RBFOX2: variants seen among roughly 807,000 people sequenced by gnomAD.
RBFOX2 encodes RNA binding protein fox-1 homolog 2.
A neutral mutation model predicts 49.1 loss-of-function variants in RBFOX2; 10 were observed. The observed-to-expected ratio is 0.20, with a 90% CI of 0.13 to 0.35. RBFOX2 has a LOEUF of 0.35. Among genes scored for constraint, RBFOX2 ranks in the 10% least tolerant of loss-of-function variants. The pLI, the probability that RBFOX2 is intolerant of heterozygous loss-of-function variation, is 1.00. For synonymous variants in RBFOX2, 183 were observed against 187.4 expected (o/e 0.98, Z 0.19); for missense variants, 323 against 486.9 (o/e 0.66, Z 3.17).
chr22:35,800,298 C>T (rs1056666520), intron 2 of RBFOX2, among the ~76,000 whole-genome samples: 1 of 152,190 alleles, frequency 6.6e-6, no homozygotes, highest in African/African-American at 2.4e-5. Flanking sequence ...TCTATTCACC[C>T]TGCATACGCT....
chr22:35,987,224 C>T (rs1464616125), intron 1 of RBFOX2, among the ~76,000 whole-genome samples: 1 of 152,106 alleles, frequency 6.6e-6, no homozygotes, highest in Non-Finnish European at 1.5e-5. Context: ...CTTCTGAATG[C>T]CACAATACTA....
intron 1 of RBFOX2, among the ~76,000 whole-genome samples, chr22:35,960,746 G>A (rs1037447870): frequency 2.0e-5 from 3 of 152,036 alleles, no homozygotes; most frequent in Admixed American, 1.3e-4. Flanking sequence ...GAGCCAATTC[G>A]AAGAAACCTA....
intron 1 of RBFOX2, among the ~76,000 whole-genome samples, chr22:36,005,677 A>G (rs546623921): frequency 1.3e-5 from 2 of 152,310 alleles, no homozygotes; most frequent in South Asian, 4.1e-4. Flanking sequence ...CATGTGTTCC[A>G]CTGAAAAAAT....
chr22:35,876,699 G>C (rs1037160738), intron 1 of RBFOX2, among the ~76,000 whole-genome samples: 5 of 125,952 alleles, frequency 4.0e-5, no homozygotes, highest in East Asian at 2.1e-4. Context: ...CCCATTAAAA[G>C]AAACACACAC....
At chr22:36,017,636 T>C (rs1603467832) in intron 1 of RBFOX2, among the ~76,000 whole-genome samples, 1 of 152,146 alleles carries the variant, frequency 6.6e-6, no homozygotes, top group Admixed American at 6.5e-5. Context: ...TCACCCCAAA[T>C]GGTGGTAATA....
intron 1 of RBFOX2, among the ~76,000 whole-genome samples, chr22:35,863,858 T>C (rs1366283788): frequency 1.3e-5 from 2 of 152,208 alleles, no homozygotes; most frequent in Admixed American, 6.5e-5. Flanking sequence ...GATATGGAAC[T>C]TCCCCCAAAG....
intron 4 of RBFOX2, among the ~76,000 whole-genome samples, chr22:35,769,425 T>C (rs1379728901): frequency 6.6e-6 from 1 of 152,184 alleles, no homozygotes; most frequent in East Asian, 1.9e-4. Context: ...GATGTTCACG[T>C]ACTACCAATT....
chr22:35,965,480 C>T (rs1396584715), upstream of RBFOX2, among the ~76,000 whole-genome samples: 1 of 152,122 alleles, frequency 6.6e-6, no homozygotes, highest in African/African-American at 2.4e-5. Context: ...AAATGAGGTA[C>T]ATCCTTCTGA....
chr22:35,828,367 A>G (rs1330923493), intron 1 of RBFOX2, among the ~76,000 whole-genome samples: 2 of 152,168 alleles, frequency 1.3e-5, no homozygotes, highest in Non-Finnish European at 2.9e-5. Context: ...GCAGAGAAGG[A>G]AGGACCCAGG....
chr22:35,834,089 A>G (rs1449477536), intron 1 of RBFOX2, among the ~76,000 whole-genome samples: 1 of 152,210 alleles, frequency 6.6e-6, no homozygotes, highest in African/African-American at 2.4e-5. Context: ...CATTCAACAA[A>G]TATTTACTGA....
At chr22:35,840,753 G>A (rs1362834447), upstream of RBFOX2, among the ~76,000 whole-genome samples, 1 of 152,158 alleles carries the variant, frequency 6.6e-6, no homozygotes, top group African/African-American at 2.4e-5. Flanking sequence ...AGCATTCATA[G>A]CAGCTTACTA....
intron 4 of RBFOX2, among the ~76,000 whole-genome samples, chr22:35,776,019 G>C (rs1297960637): frequency 6.6e-6 from 1 of 151,898 alleles, no homozygotes; most frequent in African/African-American, 2.4e-5. Context: ...AACTACATTG[G>C]CCTTCTAGTT....
chr22:35,846,255 G>A (rs1330781184), intron 1 of RBFOX2, among the ~76,000 whole-genome samples: 1 of 148,620 alleles, frequency 6.7e-6, no homozygotes, highest in Non-Finnish European at 1.5e-5. Context: ...AACTATGTAA[G>A]TATAAACTAT....
At chr22:35,975,916 T>C (rs144602201) in intron 1 of RBFOX2, among the ~76,000 whole-genome samples, 2 of 152,328 alleles carry the variant, frequency 1.3e-5, no homozygotes, top group East Asian at 3.9e-4. Flanking sequence ...ATTTATAAAT[T>C]ATGTGAAGGA....
In RBFOX2 at chr22:35,851,114, C is replaced by T. The variant is rs150240646; in HGVS notation, c.-33-41110G>A. On this transcript the variant is annotated intron_variant, in intron 1 of 13. Transcript: ENST00000359369. ...CATCAGTGTAATTCTTCTCCTTTTA[C>T]GGTCACTGTAATTTATTTTAGGATT... Among the ~76,000 whole-genome samples, 153 of 152,250 alleles carry T rather than the reference C, an allele frequency of 1.0e-3. 1 individual carries two copies. The highest frequency in any genetic ancestry group is 3.7e-3 in the South Asian group (18 of 4,822).
At chr22:35,846,711 C>T (rs906099967) in intron 1 of RBFOX2, among the ~76,000 whole-genome samples, 14 of 152,054 alleles carry the variant, frequency 9.2e-5, no homozygotes, top group African/African-American at 2.9e-4. Flanking sequence ...GCCGAGATAA[C>T]ACCACTGCAC....
At chr22:35,922,029 T>C (rs544129894) in intron 1 of RBFOX2, among the ~76,000 whole-genome samples, 20 of 152,238 alleles carry the variant, frequency 1.3e-4, no homozygotes, top group Admixed American at 9.8e-4. Context: ...CCTAAGCCCA[T>C]ATGTAGGCAA....
intron 1 of RBFOX2, among the ~76,000 whole-genome samples, chr22:35,952,231 G>C (rs912788308): frequency 6.6e-6 from 1 of 152,232 alleles, no homozygotes; most frequent in African/African-American, 2.4e-5. Context: ...GGAAGCTTGA[G>C]TCAGGTTTCC....
intron 1 of RBFOX2, among the ~76,000 whole-genome samples, chr22:35,815,163 T>C (rs905553557): frequency 2.0e-5 from 3 of 152,168 alleles, no homozygotes; most frequent in Non-Finnish European, 4.4e-5. Flanking sequence ...ACATGGAATG[T>C]AGTAAAACAG....
Sources: gnomAD v4.1 joint callset for allele counts (sites outside exome capture counted in the v4.1 genomes callset) on GRCh38, gnomAD v4.1.1 for gene constraint, MANE v1.5 for transcripts, NCBI Gene and HGNC (gene_info 2026-07-23, HGNC 2026-07-21) for gene names.